The following SYT6 variants were observed in gnomAD, a reference collection of about 807,000 sequenced individuals.
SYT6 encodes synaptotagmin 6, also known as synaptotagmin-6.
A neutral mutation model predicts 38.4 loss-of-function variants in SYT6; 24 were observed. That is an observed-to-expected ratio of 0.62 (90% CI 0.45 to 0.88). The LOEUF (loss-of-function observed/expected upper bound fraction) is 0.88, where lower values mean the gene tolerates loss of function less well. Ranked by LOEUF, SYT6 falls within the 40% of genes least tolerant of loss-of-function variation. The pLI is 0.00. For missense variants in SYT6, 611 were observed against 621.0 expected (o/e 0.98, Z 0.17); for synonymous variants, 265 against 241.9 (o/e 1.10, Z -0.89).
chr1:114,105,166 A>G (rs1049501185), intron 3 of SYT6, among the ~76,000 whole-genome samples: 1 of 152,196 alleles, frequency 6.6e-6, no homozygotes, highest in Non-Finnish European at 1.5e-5. Flanking sequence ...AGGAGGCTAC[A>G]GTTGTTGAAT....
chr1:114,099,172 T>C lies in SYT6; in HGVS notation c.1286A>G (p.Asn429Ser). 2 of 1,614,204 alleles carry C rather than the reference T, an allele frequency of 1.2e-6. No homozygotes were observed. The highest frequency in any genetic ancestry group is 1.7e-6 in the Non-Finnish European group (2 of 1,180,022). ...GGGAATGTCAAAGATGATGGCCTCA[T>C]TGTAGACAGGATTGAGAGTGTTTTT... ...IKKNTLNPVY[N>S]EAIIFDIPPE... Residue 429 changes from asparagine (N) to serine (S), a missense_variant, in exon 5 of 8, where the codon AAT becomes AGT. Physicochemically the swap from Asn to Ser is conservative, Grantham distance 46. Transcript: ENST00000610222.
At chr1:114,117,356 C>T (rs148694921) in intron 3 of SYT6, among the ~76,000 whole-genome samples, 180 of 152,356 alleles carry the variant, frequency 1.2e-3, no homozygotes, top group African/African-American at 3.9e-3. Context: ...CTTTCATTCT[C>T]CTGCCACATG....
At chr1:114,138,217 C>A (rs188859410) in intron 2 of SYT6, among the ~76,000 whole-genome samples, 164 bp from the exon 3 acceptor site, 3 of 152,218 alleles carry the variant, frequency 2.0e-5, no homozygotes, top group African/African-American at 7.2e-5. Flanking sequence ...ACTTTGTGTG[C>A]AAGGTTGTGG....
intron 1 of SYT6, among the ~76,000 whole-genome samples, chr1:114,148,873 G>A (rs1248518051): frequency 1.3e-5 from 2 of 152,256 alleles, no homozygotes; most frequent in East Asian, 3.9e-4. Context: ...TTTGAACCTA[G>A]GACTTGCTGA....
chr1:114,140,884 T>C (rs190478847), intron 1 of SYT6, among the ~76,000 whole-genome samples: 3 of 152,364 alleles, frequency 2.0e-5, no homozygotes, highest in Admixed American at 6.5e-5. Context: ...ATGGTTGTTA[T>C]GGTGATCTAT....
intron 3 of SYT6, among the ~76,000 whole-genome samples, chr1:114,107,006 C>T (rs964177913): frequency 5.9e-5 from 9 of 152,214 alleles, no homozygotes; most frequent in Non-Finnish European, 1.0e-4. Context: ...TGGTTCTTCA[C>T]GCAGTGTTAT....
At position 114,103,539 on chromosome 1, in the gene SYT6, G is replaced by A. The variant is rs368169468; in HGVS notation, c.1192+62C>T. On this transcript the variant is annotated intron_variant, in intron 4 of 7. Transcript: ENST00000610222. ...CTGACAATTCTTTCTCCTTCTCCCC[G>A]AACACCCTTCCAAATCCTAATGTCT... 5.5e-4 allele frequency: 885 copies of A among 1,596,906 alleles called. 15 individuals carry two copies. The South Asian group carries it at 9.1e-3, about 16-fold the overall frequency.
chr1:114,122,457 G>A (rs907960658), intron 3 of SYT6, among the ~76,000 whole-genome samples: 1 of 151,782 alleles, frequency 6.6e-6, no homozygotes, highest in African/African-American at 2.4e-5. Context: ...CTTCCCTGGC[G>A]TGTGATGGAC....
intron 4 of SYT6, among the ~76,000 whole-genome samples, chr1:114,102,297 A>G (rs1310173400): frequency 6.6e-6 from 1 of 152,200 alleles, no homozygotes; most frequent in Non-Finnish European, 1.5e-5. Context: ...CCCAGGCCAG[A>G]AGAGGTCCGT....
intron 3 of SYT6, among the ~76,000 whole-genome samples, chr1:114,107,693 A>G (rs1449730055): frequency 3.9e-5 from 6 of 152,174 alleles, no homozygotes; most frequent in Non-Finnish European, 2.9e-5. Context: ...GAGGGTCAGC[A>G]TCTCCTGGTA....
rs147704520 is a variant in SYT6 at position 114,090,814 on chromosome 1, A to G, written c.*1320T>C. The G allele has an allele frequency of 1.2e-4, 18 of 152,708 alleles. No homozygotes were observed. In the East Asian group the frequency reaches 3.4e-3, roughly 29 times the overall value. The allele number at this position is 152,708 out of a possible 1,614,324, so 9.5% of individuals were successfully genotyped here. A position where few individuals can be genotyped will look rare whatever the true frequency, so the allele number is the denominator to read the frequency against. The stretch of plus-strand genomic sequence containing the variant: ...ACTATTAACTCAACAGAAATGTGCT[A>G]TTACAACACAGAATAGTTCAAACAA... On this transcript the variant is annotated 3_prime_UTR_variant, in exon 8 of 8. Coordinates refer to ENST00000610222, the MANE Select transcript of SYT6 (RefSeq NM_001253772.2).
chr1:114,144,697 G>C (rs1413415130), intron 1 of SYT6, among the ~76,000 whole-genome samples: 2 of 152,014 alleles, frequency 1.3e-5, no homozygotes, highest in Non-Finnish European at 2.9e-5. Context: ...TCTGAGCAAG[G>C]CTTGAATGCC....
At chr1:114,126,721 C>A (rs116082016) in intron 3 of SYT6, among the ~76,000 whole-genome samples, 2,584 of 152,300 alleles carry the variant, frequency 0.017, 76 homozygotes, top group African/African-American at 0.059. Context: ...GATATTTATT[C>A]CATCCAAAGG....
chr1:114,133,110 C>T (rs1330477488), intron 3 of SYT6, among the ~76,000 whole-genome samples: 1 of 152,112 alleles, frequency 6.6e-6, no homozygotes. Flanking sequence ...CTAAAACACA[C>T]ACACACACAA....
At chr1:114,147,680 C>T (rs570826963) in intron 1 of SYT6, among the ~76,000 whole-genome samples, 1 of 152,336 alleles carries the variant, frequency 6.6e-6, no homozygotes, top group Admixed American at 6.5e-5. Context: ...CAGCATGTAT[C>T]ATCTTCATTG....
intron 3 of SYT6, among the ~76,000 whole-genome samples, chr1:114,104,560 G>A (rs997948509): frequency 3.9e-5 from 6 of 152,122 alleles, no homozygotes; most frequent in Non-Finnish European, 8.8e-5. Flanking sequence ...CCTCCCACAG[G>A]TTTGAGGAGG....
At chr1:114,094,532 G>A (rs1452065731) in intron 6 of SYT6, among the ~76,000 whole-genome samples, 13 of 152,198 alleles carry the variant, frequency 8.5e-5, no homozygotes, top group Admixed American at 8.5e-4. Context: ...GGCCACTTGT[G>A]ATGGCTCAAT....
At chr1:114,147,798 A>G (rs891399172) in intron 1 of SYT6, among the ~76,000 whole-genome samples, 3 of 152,224 alleles carry the variant, frequency 2.0e-5, no homozygotes, top group African/African-American at 7.2e-5. Context: ...AATCATTGTG[A>G]ATATTAAATA....
chr1:114,093,735 T>C lies in SYT6; in HGVS notation c.*51A>G. ...CTTTGGGTCCACACCAGGTACTTAC[T>C]CCTAACTCCAGGTGGCAGTCTCTCT... On this transcript the variant is annotated splice_region_variant and 3_prime_UTR_variant, in exon 7 of 8. Coordinates refer to ENST00000610222, the MANE Select transcript of SYT6 (RefSeq NM_001253772.2). 1 of 1,613,748 alleles carries C rather than the reference T, an allele frequency of 6.2e-7. No homozygotes were observed. The highest frequency in any genetic ancestry group is 8.5e-7 in the Non-Finnish European group (1 of 1,179,868).
Sources: allele counts gnomAD v4.1 joint callset (sites outside exome capture counted in the v4.1 genomes callset), GRCh38; gene constraint gnomAD v4.1.1; transcripts MANE v1.5; gene names NCBI Gene and HGNC (gene_info 2026-07-23, HGNC 2026-07-21).